The following GRM8 variants were observed in gnomAD, a reference collection of about 807,000 sequenced individuals.
The protein encoded by GRM8 is metabotropic glutamate receptor 8.
GRM8 carries 47 observed loss-of-function variants against 87.2 expected under a neutral mutation model. The observed-to-expected ratio is 0.54, with a 90% confidence interval of 0.43 to 0.69. The LOEUF is 0.69. GRM8 is among the 30% of genes least tolerant of loss of function. The probability of loss-of-function intolerance (pLI) is 0.00; values close to 1 mark genes in which losing one functional copy is unlikely to be tolerated. For missense variants in GRM8, 1,019 were observed against 1,139.2 expected (o/e 0.89, Z 1.52); for synonymous variants, 396 against 404.5 (o/e 0.98, Z 0.25).
chr7:127,058,676 T>C (rs1820259982), intron 3 of GRM8, among the ~76,000 whole-genome samples: 1 of 152,170 alleles, frequency 6.6e-6, no homozygotes, highest in South Asian at 2.1e-4. Flanking sequence ...ATCCAGTCAA[T>C]AGTTTTGACT....
intron 2 of GRM8, among the ~76,000 whole-genome samples, chr7:127,209,327 G>A (rs1283905950): frequency 1.3e-5 from 2 of 152,188 alleles, no homozygotes; most frequent in Admixed American, 1.3e-4. Flanking sequence ...ACCACCTTTT[G>A]TAAAGTCAAT....
chr7:127,076,245 A>G, intron 3 of GRM8: 2 of 455,788 alleles, frequency 4.4e-6, no homozygotes, highest in Non-Finnish European at 8.8e-6. Flanking sequence ...ACCTGAGGAC[A>G]AGGAAAGAAA....
At chr7:127,021,770 T>C (rs560739767) in intron 3 of GRM8, among the ~76,000 whole-genome samples, 1 of 152,208 alleles carries the variant, frequency 6.6e-6, no homozygotes, top group Admixed American at 6.5e-5. Flanking sequence ...CAACTAGTAA[T>C]AGTTATTAAG....
chr7:126,478,355 T>C (rs1291916945), intron 9 of GRM8, among the ~76,000 whole-genome samples: 1 of 152,146 alleles, frequency 6.6e-6, no homozygotes, highest in East Asian at 1.9e-4. Flanking sequence ...AAAACATAAA[T>C]ATGAGATTAT....
chr7:127,205,236 T>C (rs1022484457), intron 2 of GRM8, among the ~76,000 whole-genome samples: 5 of 152,194 alleles, frequency 3.3e-5, no homozygotes, highest in African/African-American at 9.6e-5. Context: ...TCAATCTATA[T>C]GAATGGAGTC....
At chr7:126,571,320 C>A (rs999011316) in intron 8 of GRM8, among the ~76,000 whole-genome samples, 9 of 152,088 alleles carry the variant, frequency 5.9e-5, no homozygotes, top group Admixed American at 2.0e-4. Context: ...CCAAAGGGAA[C>A]CCCATGGAGA....
At chr7:126,975,914 CTCTT>C (rs1378352512) in intron 3 of GRM8, among the ~76,000 whole-genome samples, 2 of 152,228 alleles carry the variant, frequency 1.3e-5, no homozygotes, top group South Asian at 2.1e-4. Flanking sequence ...ACCCAGTCCT[CTCTT>C]TATTATTACT....
At chr7:126,947,763 ATCAC>A (rs1316125880) in intron 3 of GRM8, among the ~76,000 whole-genome samples, 1 of 152,122 alleles carries the variant, frequency 6.6e-6, no homozygotes, top group African/African-American at 2.4e-5. Flanking sequence ...CTCAGTCGAA[ATCAC>A]TCACTTCAAA....
At chr7:126,691,550 C>T (rs1301728248) in intron 7 of GRM8, among the ~76,000 whole-genome samples, 1 of 152,178 alleles carries the variant, frequency 6.6e-6, no homozygotes, top group Non-Finnish European at 1.5e-5. Context: ...CCTGGCCACA[C>T]CTCCCCTACT....
chr7:127,064,582 T>C (rs1163921538), intron 3 of GRM8, among the ~76,000 whole-genome samples: 5 of 152,316 alleles, frequency 3.3e-5, no homozygotes, highest in African/African-American at 1.2e-4. Context: ...AGCTTGCCAC[T>C]CTGTCCCTTT....
intron 7 of GRM8, among the ~76,000 whole-genome samples, chr7:126,619,562 A>G (rs145851603): frequency 3.9e-5 from 6 of 152,318 alleles, no homozygotes; most frequent in Non-Finnish European, 7.4e-5. Context: ...AAAAAGAAAT[A>G]TAACAAATAT....
At chr7:126,521,057 C>G (rs1812916363) in intron 9 of GRM8, among the ~76,000 whole-genome samples, 1 of 152,108 alleles carries the variant, frequency 6.6e-6, no homozygotes, top group South Asian at 2.1e-4. Context: ...GGCTCACTAT[C>G]TACCAATACT....
At chr7:127,132,508 G>A (rs17875084) in intron 2 of GRM8, among the ~76,000 whole-genome samples, 176 of 152,076 alleles carry the variant, frequency 1.2e-3, no homozygotes, top group African/African-American at 3.9e-3. Context: ...AGTTCAAGAA[G>A]CTTAGGATCT....
At chr7:126,643,572 C>T (rs1802714915) in intron 7 of GRM8, among the ~76,000 whole-genome samples, 1 of 151,734 alleles carries the variant, frequency 6.6e-6, no homozygotes, top group Admixed American at 6.6e-5. Flanking sequence ...TTAAAAGCAA[C>T]AGAATTTGTC....
intron 7 of GRM8, among the ~76,000 whole-genome samples, chr7:126,679,179 T>C (rs1216460176): frequency 6.6e-6 from 1 of 152,236 alleles, no homozygotes; most frequent in East Asian, 1.9e-4. Context: ...TTCAAGAAGC[T>C]TGTGGTCCAA....
chr7:127,071,159 G>A (rs1328120513), intron 3 of GRM8, among the ~76,000 whole-genome samples: 2 of 152,050 alleles, frequency 1.3e-5, no homozygotes, highest in Non-Finnish European at 2.9e-5. Flanking sequence ...TAGACTTGAC[G>A]TATGTAGTTT....
At chr7:127,016,115 C>A (rs1176722300) in intron 3 of GRM8, among the ~76,000 whole-genome samples, 1 of 151,946 alleles carries the variant, frequency 6.6e-6, no homozygotes, top group African/African-American at 2.4e-5. Flanking sequence ...TAGATGAAAA[C>A]CCAAATAACA....
At chr7:126,965,952 C>T (rs1809808373) in intron 3 of GRM8, among the ~76,000 whole-genome samples, 1 of 151,920 alleles carries the variant, frequency 6.6e-6, no homozygotes. Flanking sequence ...TTTTCATCTT[C>T]CTGTCTCCAG....
intron 3 of GRM8, among the ~76,000 whole-genome samples, chr7:126,988,358 A>G (rs1304564592): frequency 1.3e-5 from 2 of 152,248 alleles, no homozygotes; most frequent in Non-Finnish European, 2.9e-5. Context: ...TTAAGGCACA[A>G]TAATTTGAAC....
Sources: gnomAD v4.1 joint callset for allele counts (sites outside exome capture counted in the v4.1 genomes callset) on GRCh38, gnomAD v4.1.1 for gene constraint, MANE v1.5 for transcripts, NCBI Gene and HGNC (gene_info 2026-07-23, HGNC 2026-07-21) for gene names.